Variants in PRP4K observed in about 807,000 individuals in gnomAD.
PRP4K encodes the protein pre-mRNA processing factor kinase PRP4K, also known as serine/threonine-protein kinase PRP4 homolog.
the PRP4K span, among the ~76,000 whole-genome samples, chr6:4,048,121 G>A: frequency 2.6e-5 from 4 of 152,128 alleles, no homozygotes; most frequent in Admixed American, 2.6e-4. Context: ...GCTCACGCCT[G>A]TAATCCCAGC....
At chr6:4,063,291 C>T in the PRP4K span, 1 of 152,048 alleles carries the variant, frequency 6.6e-6, no homozygotes, top group Admixed American at 6.6e-5. Flanking sequence ...CTGCCTCTCC[C>T]CTCCCCCAGT....
At chr6:4,030,106 C>T in the PRP4K span, among the ~76,000 whole-genome samples, 1 of 152,066 alleles carries the variant, frequency 6.6e-6, no homozygotes, top group African/African-American at 2.4e-5. Context: ...CTACATCTGG[C>T]TAATTTTTGT....
chr6:4,045,728 CTG>C, the PRP4K span, among the ~76,000 whole-genome samples: 7 of 152,328 alleles, frequency 4.6e-5, no homozygotes, highest in African/African-American at 9.6e-5. Context: ...CATATACTAA[CTG>C]TGGCTTAAAA....
At chr6:4,054,605 C>T in the PRP4K span, among the ~76,000 whole-genome samples, 1 of 152,150 alleles carries the variant, frequency 6.6e-6, no homozygotes, top group African/African-American at 2.4e-5. Context: ...CTCCCTGGTT[C>T]AAGCATTTCT....
chr6:4,055,761 C>T, the PRP4K span, among the ~76,000 whole-genome samples: 41 of 152,320 alleles, frequency 2.7e-4, no homozygotes, highest in African/African-American at 9.9e-4. Flanking sequence ...ATATATTTAA[C>T]ATTTTCTTGA....
chr6:4,048,726 C>T, the PRP4K span, among the ~76,000 whole-genome samples: 3 of 150,782 alleles, frequency 2.0e-5, no homozygotes, highest in African/African-American at 7.3e-5. Context: ...TGCCACTACA[C>T]CTGGCGCTTT....
At chr6:4,052,645 G>A in the PRP4K span, 2 of 1,222,978 alleles carry the variant, frequency 1.6e-6, no homozygotes, top group Admixed American at 2.9e-5. Context: ...GCTTGCAAAT[G>A]TTTTTGCCTT....
At chr6:4,048,114 C>A in the PRP4K span, among the ~76,000 whole-genome samples, 1 of 152,088 alleles carries the variant, frequency 6.6e-6, no homozygotes, top group African/African-American at 2.4e-5. Flanking sequence ...CACGGTGGCT[C>A]ACGCCTGTAA....
At chr6:4,042,583 T>C in the PRP4K span, 1 of 1,576,208 alleles carries the variant, frequency 6.3e-7, no homozygotes, top group African/African-American at 1.4e-5. Flanking sequence ...GTGATTTTAA[T>C]GAAAAATAAC....
At chr6:4,053,740 A>G in the PRP4K span, among the ~76,000 whole-genome samples, 1 of 152,082 alleles carries the variant, frequency 6.6e-6, no homozygotes, top group Non-Finnish European at 1.5e-5. Context: ...TGCTGGTAAC[A>G]TTCTGCATTT....
At chr6:4,039,863 TTC>T in the PRP4K span, among the ~76,000 whole-genome samples, 1 of 135,606 alleles carries the variant, frequency 7.4e-6, no homozygotes, top group Admixed American at 7.3e-5. Context: ...CCTCCGATCT[TTC>T]TCTTTTCTCT....
At chr6:4,032,627 T>G in the PRP4K span, 1 of 1,614,096 alleles carries the variant, frequency 6.2e-7, no homozygotes, top group South Asian at 1.1e-5. Flanking sequence ...GGTCTCCACT[T>G]TTGAATGATA....
chr6:4,064,791 C>T, the PRP4K span: 1 of 152,530 alleles, frequency 6.6e-6, no homozygotes, highest in African/African-American at 2.4e-5. Flanking sequence ...TCTTCTCCTT[C>T]TGTATATAGG....
the PRP4K span, chr6:4,021,585 C>T: frequency 1.4e-6 from 2 of 1,413,770 alleles, no homozygotes; most frequent in Admixed American, 4.0e-5. Context: ...CTTTTTCCGG[C>T]GCGATTCGTT....
At chr6:4,032,937 CG>C in the PRP4K span, among the ~76,000 whole-genome samples, 1 of 152,080 alleles carries the variant, frequency 6.6e-6, no homozygotes, top group Non-Finnish European at 1.5e-5. Context: ...GCACTTTTTT[CG>C]ATGAGTATTT....
the PRP4K span, chr6:4,049,325 C>T: frequency 2.0e-6 from 1 of 502,858 alleles, no homozygotes; most frequent in Non-Finnish European, 3.5e-6. Flanking sequence ...TGATGTACAA[C>T]CTAAATATAT....
the PRP4K span, among the ~76,000 whole-genome samples, chr6:4,033,345 G>T: frequency 1.3e-5 from 2 of 152,048 alleles, no homozygotes; most frequent in Non-Finnish European, 2.9e-5. Flanking sequence ...AATAGTATAT[G>T]AAATTATTTT....
the PRP4K span, among the ~76,000 whole-genome samples, chr6:4,022,661 C>G: frequency 6.6e-6 from 1 of 152,058 alleles, no homozygotes; most frequent in African/African-American, 2.4e-5. Flanking sequence ...GGCAGAGAAA[C>G]GGAATTTTTA....
At chr6:4,041,049 T>C in the PRP4K span, 1 of 1,078,466 alleles carries the variant, frequency 9.3e-7, no homozygotes. Flanking sequence ...TGGCTCTGAA[T>C]TTAAAAGTTA....
Sources: allele counts gnomAD v4.1 joint callset (sites outside exome capture counted in the v4.1 genomes callset), GRCh38; gene constraint gnomAD v4.1.1; transcripts MANE v1.5; gene names NCBI Gene and HGNC (gene_info 2026-07-23, HGNC 2026-07-21).